Variants in SMURF1 observed in about 807,000 individuals in gnomAD.
SMURF1 encodes E3 ubiquitin-protein ligase SMURF1.
A neutral mutation model predicts 98.0 loss-of-function variants in SMURF1; 44 were observed. The observed-to-expected ratio is 0.45, with a 90% CI of 0.35 to 0.58. SMURF1 has a LOEUF of 0.58. Among genes scored for constraint, SMURF1 ranks in the 20% least tolerant of loss-of-function variants. SMURF1 has a pLI of 0.00. For missense variants in SMURF1, 687 were observed against 938.4 expected, an observed-to-expected ratio of 0.73 and a Z score of 3.50; for synonymous variants, 396 against 374.9, an observed-to-expected ratio of 1.06 and a Z score of -0.65.
chr7:99,031,592 A>C (rs1358155828), intron 17 of SMURF1: 2 of 152,238 alleles, frequency 1.3e-5, no homozygotes. Flanking sequence ...CTAAAGGACA[A>C]AAGCCTTGTG....
chr7:99,058,272 G>A (rs2150535651), intron 3 of SMURF1, among the ~76,000 whole-genome samples: 2 of 152,090 alleles, frequency 1.3e-5, no homozygotes, highest in Admixed American at 1.3e-4. Flanking sequence ...TGAGATTACA[G>A]GCACCTGCCA....
At chr7:99,079,217 C>T (rs929336532) in intron 1 of SMURF1, among the ~76,000 whole-genome samples, 1 of 152,220 alleles carries the variant, frequency 6.6e-6, no homozygotes, top group Non-Finnish European at 1.5e-5. Flanking sequence ...CATTGCTTGG[C>T]CATGCCCACC....
At chr7:99,093,434 A>G (rs1355043415) in intron 1 of SMURF1, among the ~76,000 whole-genome samples, 4 of 152,318 alleles carry the variant, frequency 2.6e-5, no homozygotes, top group East Asian at 1.9e-4. Flanking sequence ...TTAACGCCAC[A>G]TTGAGTTTTA....
intron 5 of SMURF1, among the ~76,000 whole-genome samples, chr7:99,056,976 TCAAAAAAAAAAAAAC>T (rs1795891202): frequency 3.7e-5 from 1 of 26,746 alleles, no homozygotes; most frequent in Admixed American, 4.2e-4. Flanking sequence ...GCACTCCATC[TCAAAAAAAAAAAAAC>T]CAAAAAAAAA....
At chr7:99,105,209 C>CT (rs1357155418) in intron 1 of SMURF1, among the ~76,000 whole-genome samples, 2 of 152,184 alleles carry the variant, frequency 1.3e-5, no homozygotes, top group African/African-American at 4.8e-5. Context: ...AACTAGACAG[C>CT]TACAATGCAA....
At chr7:99,042,367 C>T (rs1393763919) in intron 11 of SMURF1, 135 bp from the exon 12 acceptor site, 1 of 587,320 alleles carries the variant, frequency 1.7e-6, no homozygotes, top group Non-Finnish European at 3.0e-6. Flanking sequence ...GCAACCTCTG[C>T]CTTCCTGGTC....
At chr7:99,060,546 A>G in intron 3 of SMURF1, 53 bp downstream of exon 3, 2 of 1,274,934 alleles carry the variant, frequency 1.6e-6, no homozygotes, top group South Asian at 1.3e-5. Flanking sequence ...CGTAAAAGGT[A>G]GACACCTGCT....
intron 3 of SMURF1, among the ~76,000 whole-genome samples, chr7:99,059,999 A>T (rs938023097): frequency 6.6e-6 from 1 of 152,184 alleles, no homozygotes; most frequent in African/African-American, 2.4e-5. Flanking sequence ...TTCACAAACT[A>T]TGGCCTTTTT....
intron 1 of SMURF1, among the ~76,000 whole-genome samples, chr7:99,068,368 G>T (rs1255722541): frequency 2.0e-5 from 3 of 152,186 alleles, no homozygotes; most frequent in Non-Finnish European, 4.4e-5. Context: ...ATGGCTGACT[G>T]CAGCCTCAGA....
chr7:99,059,128 G>A (rs981809881), intron 3 of SMURF1, among the ~76,000 whole-genome samples: 17 of 151,078 alleles, frequency 1.1e-4, no homozygotes, highest in Non-Finnish European at 2.1e-4. Context: ...GGCCGGGCGC[G>A]GTGGCTCACG....
At chr7:99,140,157 C>T (rs1451582110) in intron 1 of SMURF1, among the ~76,000 whole-genome samples, 2 of 151,990 alleles carry the variant, frequency 1.3e-5, no homozygotes, top group Admixed American at 6.6e-5. Context: ...TAACTTGTTC[C>T]GTAACATGTA....
In SMURF1 at chr7:99,062,331, T is replaced by A. The variant is rs1048102762; in HGVS notation, c.56-494A>T. 2.6e-5 allele frequency among the ~76,000 whole-genome samples: 4 copies of A among 152,160 alleles called. No individual in the cohort carries two copies. The South Asian group carries it at 6.2e-4, about 24-fold the overall frequency. On this transcript the variant is annotated intron_variant, in intron 1 of 17. Coordinates refer to ENST00000361368, the MANE Select transcript of SMURF1 (RefSeq NM_181349.3). ...TACCGATATTCTCTTATACTGCATA[T>A]GATCACATAAAAACCAACTCAAATA...
In SMURF1 at chr7:99,027,673, C is replaced by T. The variant is rs1794739725; in HGVS notation, c.*2911G>A. ...GATAACAAGGATAGCAGCAATACTT[C>T]AAAACAAGACATTACAAAATAAATT... On this transcript the variant is annotated 3_prime_UTR_variant, in exon 18 of 18. Transcript: ENST00000361368. 1 of 152,608 alleles carries T rather than the reference C, an allele frequency of 6.6e-6. No individual in the cohort carries two copies. Among genetic ancestry groups the T allele is most frequent in the Non-Finnish European group, 1.5e-5 (1 of 68,030 alleles). 9.5% of individuals were successfully genotyped at this position (152,608 alleles called of 1,614,324 possible). A position where few individuals can be genotyped will look rare whatever the true frequency, so the allele number is the denominator to read the frequency against.
intron 1 of SMURF1, among the ~76,000 whole-genome samples, chr7:99,106,848 C>A (rs952682188): frequency 6.6e-6 from 1 of 152,206 alleles, no homozygotes; most frequent in African/African-American, 2.4e-5. Flanking sequence ...CAAAGCTAAG[C>A]AGCTCTTTGC....
At chr7:99,119,967 A>T (rs1797564966) in intron 1 of SMURF1, among the ~76,000 whole-genome samples, 1 of 152,176 alleles carries the variant, frequency 6.6e-6, no homozygotes, top group Non-Finnish European at 1.5e-5. Flanking sequence ...TCATACTGAA[A>T]TGTGACCTCC....
At chr7:99,119,003 ATTTTTTTTTTTTTTTTTTTTTTTTTTT>A (rs67705340) in intron 1 of SMURF1, among the ~76,000 whole-genome samples, 4 of 42,880 alleles carry the variant, frequency 9.3e-5, no homozygotes, top group African/African-American at 4.4e-4. Context: ...TAACATGCCA[ATTTTTTTTTTTTTTTTTTTTTTTTTTT>A]TTTTTTTTTT....
At chr7:99,086,112 G>A (rs188873567) in intron 1 of SMURF1, among the ~76,000 whole-genome samples, 90 of 152,246 alleles carry the variant, frequency 5.9e-4, no homozygotes, top group African/African-American at 2.0e-3. Context: ...TTGAGAGGCC[G>A]AGGTGGGTGG....
At chr7:99,095,984 CT>C (rs1387766175) in intron 1 of SMURF1, among the ~76,000 whole-genome samples, 1 of 152,132 alleles carries the variant, frequency 6.6e-6, no homozygotes, top group Admixed American at 6.5e-5. Context: ...GGCTGGAGTC[CT>C]TTAACTTCCA....
At position 99,143,680 on chromosome 7, in the gene SMURF1, G is replaced by A. The variant is rs1199859822; in HGVS notation, c.55+46C>T. On this transcript the variant is annotated intron_variant, in intron 1 of 17. Coordinates refer to ENST00000361368, the MANE Select transcript of SMURF1 (RefSeq NM_181349.3). Reference sequence around the variant, plus strand: ...GGCGCCCTGCGGGGAATTCCGGGGCGGGCGAGGGGGCGCCGGGGCGCGGGT... The same window carrying A: ...GGCGCCCTGCGGGGAATTCCGGGGCAGGCGAGGGGGCGCCGGGGCGCGGGT... 9 of 1,501,616 alleles carry A rather than the reference G, an allele frequency of 6.0e-6. No homozygotes were observed. In the African/African-American group the frequency reaches 1.0e-4, roughly 17 times the overall value. 93.0% of individuals were successfully genotyped at this position (1,501,616 alleles called of 1,614,324 possible). A position where few individuals can be genotyped will look rare whatever the true frequency, so the allele number is the denominator to read the frequency against.
Sources: gnomAD v4.1 joint callset for allele counts (sites outside exome capture counted in the v4.1 genomes callset) on GRCh38, gnomAD v4.1.1 for gene constraint, MANE v1.5 for transcripts, NCBI Gene and HGNC (gene_info 2026-07-23, HGNC 2026-07-21) for gene names.